Variants in SNTG1 observed in about 807,000 individuals in gnomAD.
SNTG1 encodes gamma-1-syntrophin.
A neutral mutation model predicts 74.7 loss-of-function variants in SNTG1; 39 were observed. That is an observed-to-expected ratio of 0.52 (90% confidence interval 0.40 to 0.68). The LOEUF is 0.68. SNTG1 is among the 30% of genes least tolerant of loss of function. The pLI is 0.00. For missense variants in SNTG1, 685 were observed against 609.5 expected (o/e 1.12, Z -1.30); for synonymous variants, 254 against 217.1 (o/e 1.17, Z -1.49).
intron 12 of SNTG1, among the ~76,000 whole-genome samples, chr8:50,572,237 T>A (rs184525695): frequency 6.9e-6 from 1 of 145,634 alleles, no homozygotes; most frequent in Non-Finnish European, 1.5e-5. Context: ...ATTTATTGTA[T>A]GTTTGTTTCT....
intron 15 of SNTG1, among the ~76,000 whole-genome samples, chr8:50,703,893 G>A (rs967926265): frequency 5.9e-5 from 9 of 152,112 alleles, no homozygotes; most frequent in Non-Finnish European, 1.3e-4. Flanking sequence ...GCACATGACT[G>A]TATTTAAAAT....
intron 1 of SNTG1, among the ~76,000 whole-genome samples, chr8:49,960,240 T>C (rs1157464933): frequency 6.6e-6 from 1 of 152,230 alleles, no homozygotes; most frequent in Non-Finnish European, 1.5e-5. Flanking sequence ...TTTTCTTGAC[T>C]CTCAATTTGT....
intron 1 of SNTG1, among the ~76,000 whole-genome samples, chr8:50,160,794 G>A (rs1456485471): frequency 6.6e-6 from 1 of 152,118 alleles, no homozygotes; most frequent in Non-Finnish European, 1.5e-5. Context: ...GCAGAAGCAC[G>A]GAATAGCTGT....
chr8:50,411,328 G>C (rs2092945664), intron 4 of SNTG1, among the ~76,000 whole-genome samples: 1 of 151,722 alleles, frequency 6.6e-6, no homozygotes. Flanking sequence ...GGCGCCTGTA[G>C]TGCCCGCTAC....
chr8:50,449,602 G>C (rs551870281), intron 5 of SNTG1, 66 bp from the exon 6 acceptor site: 3 of 1,299,776 alleles, frequency 2.3e-6, no homozygotes, highest in Admixed American at 2.3e-5. Flanking sequence ...AGCCTGTATG[G>C]TTTCTTAGCT....
chr8:50,703,275 C>A (rs2095432310), intron 15 of SNTG1, among the ~76,000 whole-genome samples: 1 of 152,098 alleles, frequency 6.6e-6, no homozygotes, highest in Non-Finnish European at 1.5e-5. Context: ...TTATTCTCTA[C>A]ATTTTTTTTC....
At chr8:49,938,532 A>G (rs1158890064) in intron 1 of SNTG1, among the ~76,000 whole-genome samples, 1 of 136,442 alleles carries the variant, frequency 7.3e-6, no homozygotes, top group African/African-American at 2.8e-5. Context: ...GTCCCTCCCT[A>G]TCTTACCATG....
chr8:50,216,053 C>G (rs997374588), intron 2 of SNTG1, among the ~76,000 whole-genome samples: 3 of 152,234 alleles, frequency 2.0e-5, no homozygotes, highest in Admixed American at 1.3e-4. Flanking sequence ...TGGGTCTTCC[C>G]TCCTGAAAAA....
chr8:50,720,701 G>A (rs979867321), intron 17 of SNTG1, among the ~76,000 whole-genome samples: 11 of 152,132 alleles, frequency 7.2e-5, no homozygotes, highest in East Asian at 1.9e-4. Context: ...GTATGTTTAC[G>A]GTTATTGCTG....
chr8:50,394,935 T>C (rs978696965), intron 3 of SNTG1, among the ~76,000 whole-genome samples: 1 of 151,486 alleles, frequency 6.6e-6, no homozygotes, highest in Non-Finnish European at 1.5e-5. Context: ...AGCTTAAAAA[T>C]GTTTTATATT....
intron 15 of SNTG1, among the ~76,000 whole-genome samples, chr8:50,688,327 C>T (rs939052481): frequency 4.4e-4 from 67 of 152,184 alleles, no homozygotes; most frequent in Middle Eastern, 3.4e-3. Flanking sequence ...ATGAAGTCCT[C>T]GCCCATGCCT....
chr8:50,472,204 A>G (rs1326750277), intron 8 of SNTG1, among the ~76,000 whole-genome samples: 3 of 152,188 alleles, frequency 2.0e-5, no homozygotes, highest in East Asian at 3.8e-4. Context: ...TCTAAAATTC[A>G]TATGGAATTG....
chr8:50,134,334 G>A (rs777889557), intron 1 of SNTG1, among the ~76,000 whole-genome samples: 106 of 152,292 alleles, frequency 7.0e-4, no homozygotes, highest in Non-Finnish European at 1.3e-3. Context: ...GCTGGAGATC[G>A]CCAATGCCTA....
intron 1 of SNTG1, among the ~76,000 whole-genome samples, chr8:50,158,140 T>C (rs1201419254): frequency 6.6e-6 from 1 of 152,132 alleles, no homozygotes; most frequent in African/African-American, 2.4e-5. Flanking sequence ...GTTCATTTCT[T>C]CTACTAAGCA....
rs2094687381 is a variant in SNTG1, at chr8:50,590,906, G to A, written c.838G>A (p.Val280Ile). Residue 280 changes from valine to isoleucine, a missense_variant, in exon 13 of 19, where the codon GTA becomes ATA. Val to Ile is a conservative substitution (Grantham distance 29). Transcript: ENST00000642720. Reference protein sequence around the residue: ...NIKKINRNFPVNQQIVYMGWC... With the variant: ...NIKKINRNFPINQQIVYMGWC... ...TAAAAAAATCAACAGAAACTTTCCT[G>A]TAAACCAGCAGGTAAGATCAAAGCA... 6.4e-7 allele frequency: 1 copy of A among 1,569,174 alleles called. No individual in the cohort carries two copies. Among genetic ancestry groups the A allele is most frequent in the Non-Finnish European group, 8.7e-7 (1 of 1,153,820 alleles).
At chr8:49,931,518 T>G (rs1217409701) in intron 1 of SNTG1, among the ~76,000 whole-genome samples, 1 of 152,168 alleles carries the variant, frequency 6.6e-6, no homozygotes, top group Non-Finnish European at 1.5e-5. Flanking sequence ...AATATACCCA[T>G]GCAGCAAACC....
chr8:50,205,184 C>G (rs1017767874), intron 2 of SNTG1, among the ~76,000 whole-genome samples: 1 of 152,210 alleles, frequency 6.6e-6, no homozygotes, highest in Admixed American at 6.5e-5. Context: ...ACAGTCCCAA[C>G]AGCAGTGTAA....
chr8:50,084,964 A>G (rs1239493002), intron 1 of SNTG1, among the ~76,000 whole-genome samples: 3 of 150,326 alleles, frequency 2.0e-5, no homozygotes, highest in Admixed American at 6.7e-5. Context: ...TATCCAGTCT[A>G]TGGTATTCTG....
At chr8:50,003,564 T>C (rs1222616439) in intron 1 of SNTG1, among the ~76,000 whole-genome samples, 1 of 152,136 alleles carries the variant, frequency 6.6e-6, no homozygotes, top group Non-Finnish European at 1.5e-5. Flanking sequence ...AATTATGGAA[T>C]TTTTTGTCTT....
Sources: allele counts gnomAD v4.1 joint callset (sites outside exome capture counted in the v4.1 genomes callset), GRCh38; gene constraint gnomAD v4.1.1; transcripts MANE v1.5; gene names NCBI Gene and HGNC (gene_info 2026-07-23, HGNC 2026-07-21).